Variants in G2E3 observed in about 807,000 individuals in gnomAD.
The protein encoded by G2E3 is G2/M-phase specific E3 ubiquitin protein ligase, also known as G2/M phase-specific E3 ubiquitin-protein ligase.
In G2E3, 35 loss-of-function variants were observed where a neutral mutation model predicts 92.8. That is an observed-to-expected ratio of 0.38 (90% confidence interval 0.29 to 0.50). The LOEUF is 0.50. G2E3 is among the 20% of genes least tolerant of loss of function. G2E3 has a pLI of 0.94. For missense variants in G2E3, 554 were observed against 823.8 expected, an observed-to-expected ratio of 0.67 and a Z score of 4.01; for synonymous variants, 242 against 272.4, an observed-to-expected ratio of 0.89 and a Z score of 1.10.
At chr14:30,560,880 A>T (rs1879058395) in intron 1 of G2E3, 1 of 693,904 alleles carries the variant, frequency 1.4e-6, no homozygotes, top group Non-Finnish European at 2.6e-6. Flanking sequence ...CACTGATTTG[A>T]TCTTTCCTAG....
intron 6 of G2E3, among the ~76,000 whole-genome samples, chr14:30,595,830 T>G (rs996654241): frequency 3.7e-4 from 57 of 152,322 alleles, no homozygotes; most frequent in Admixed American, 2.9e-3. Flanking sequence ...CATTGGGATT[T>G]TGGGAGAAGA....
chr14:30,576,962 C>G (rs1470169424), intron 1 of G2E3, among the ~76,000 whole-genome samples: 1 of 152,050 alleles, frequency 6.6e-6, no homozygotes, highest in Non-Finnish European at 1.5e-5. Context: ...CACGATGGCT[C>G]ACACCTGTAA....
intron 1 of G2E3, among the ~76,000 whole-genome samples, chr14:30,564,745 T>A (rs148219086): frequency 6.6e-6 from 1 of 152,334 alleles, no homozygotes; most frequent in East Asian, 1.9e-4. Flanking sequence ...CTGACTTCCC[T>A]CATTTAATAT....
At chr14:30,565,742 A>T (rs896400752) in intron 1 of G2E3, among the ~76,000 whole-genome samples, 1 of 142,082 alleles carries the variant, frequency 7.0e-6, no homozygotes, top group Admixed American at 7.6e-5. Context: ...GCTCACTGCA[A>T]GCTCCACTTC....
intron 6 of G2E3, among the ~76,000 whole-genome samples, chr14:30,595,116 C>A (rs1044589074): frequency 4.0e-5 from 6 of 151,716 alleles, no homozygotes; most frequent in African/African-American, 7.3e-5. Flanking sequence ...CCTGTCTGGG[C>A]GACAGAGCAA....
intron 3 of G2E3, among the ~76,000 whole-genome samples, chr14:30,588,244 A>C (rs947494560): frequency 6.9e-6 from 1 of 145,042 alleles, no homozygotes. Context: ...TTACTTTTCT[A>C]TAAAGTAAAA....
chr14:30,563,695 TTGTGTGTGTGTGTG>T (rs56029424), intron 1 of G2E3, among the ~76,000 whole-genome samples: 1,824 of 141,282 alleles, frequency 0.013, 43 homozygotes, highest in African/African-American at 0.045. Context: ...TTTGTTACTT[TTGTGTGTGTGTGTG>T]TGTGTGTGTG....
intron 1 of G2E3, among the ~76,000 whole-genome samples, chr14:30,574,826 T>C (rs982659054): frequency 6.6e-6 from 1 of 152,242 alleles, no homozygotes; most frequent in African/African-American, 2.4e-5. Flanking sequence ...AGTCTGTCAC[T>C]GATGGGCATT....
At chr14:30,592,504 C>T (rs1345251715) in intron 5 of G2E3, 57 bp downstream of exon 5, 1 of 1,281,450 alleles carries the variant, frequency 7.8e-7, no homozygotes, top group Admixed American at 2.3e-5. Flanking sequence ...GTGGAAAATA[C>T]ATATCCCAAT....
chr14:30,605,076 A>T (rs1377327838), intron 10 of G2E3, among the ~76,000 whole-genome samples: 2 of 152,114 alleles, frequency 1.3e-5, no homozygotes, highest in Non-Finnish European at 2.9e-5. Context: ...TTGTATTTTC[A>T]GTAGAGACAG....
chr14:30,585,847 G>T (rs1318495915), intron 2 of G2E3, among the ~76,000 whole-genome samples: 1 of 152,126 alleles, frequency 6.6e-6, no homozygotes, highest in Admixed American at 6.5e-5. Flanking sequence ...ACATCAGCCA[G>T]AGGTGAGAGC....
At chr14:30,606,496 C>T (rs2138897896) in intron 11 of G2E3, among the ~76,000 whole-genome samples, 1 of 152,172 alleles carries the variant, frequency 6.6e-6, no homozygotes, top group Admixed American at 6.5e-5. Context: ...GTATAGTTCA[C>T]ACAGTTTAAT....
Position 30,601,763 on chromosome 14 carries a change from TC to T in G2E3, c.753-5del. On this transcript the variant is annotated splice_region_variant and splice_polypyrimidine_tract_variant and intron_variant, in intron 8 of 14. Coordinates refer to ENST00000206595, the MANE Select transcript of G2E3 (RefSeq NM_017769.5). ...AATGTAAGTTCTGCTTTTCTTTGTG[TC>T]CTCAGCAAATGGGAAATAAAGCGCT... 1.9e-6 allele frequency: 3 copies of T among 1,613,936 alleles called. No individual in the cohort carries two copies. Among genetic ancestry groups the T allele is most frequent in the Non-Finnish European group, 2.5e-6 (3 of 1,179,854 alleles).
chr14:30,611,002 C>T (rs571792387), intron 12 of G2E3, among the ~76,000 whole-genome samples: 4 of 152,286 alleles, frequency 2.6e-5, no homozygotes, highest in East Asian at 1.9e-4. Context: ...CCTCTGTTTT[C>T]GAGATAGAGT....
chr14:30,568,567 TTA>T (rs1254991369), intron 1 of G2E3, among the ~76,000 whole-genome samples: 1 of 152,148 alleles, frequency 6.6e-6, no homozygotes, highest in East Asian at 1.9e-4. Flanking sequence ...TATTTTTTAG[TTA>T]TATTCTTAGT....
At chr14:30,590,981 G>A (rs1880978136) in intron 4 of G2E3, 4 of 225,636 alleles carry the variant, frequency 1.8e-5, no homozygotes, top group Non-Finnish European at 2.7e-5. Flanking sequence ...AACCCAAAAT[G>A]TTCCAATGAG....
chr14:30,613,529 A>G (rs758135475), intron 13 of G2E3, among the ~76,000 whole-genome samples: 4 of 152,088 alleles, frequency 2.6e-5, no homozygotes, highest in African/African-American at 7.2e-5. Context: ...CATTTTGTAC[A>G]TTTTAGCCTA....
At chr14:30,615,218 G>A (rs1882258175) in intron 13 of G2E3, 131 bp from the exon 14 acceptor site, 3 of 540,292 alleles carry the variant, frequency 5.6e-6, no homozygotes, top group South Asian at 6.1e-5. Context: ...CTCTTGTGGG[G>A]GTTTTTTGGT....
rs1882438215 is a variant in G2E3 at position 30,618,901 on chromosome 14, A to G, written c.*2367A>G. On this transcript the variant is annotated 3_prime_UTR_variant, in exon 15 of 15. Coordinates refer to ENST00000206595, the MANE Select transcript of G2E3 (RefSeq NM_017769.5). The stretch of plus-strand genomic sequence containing the variant: ...AGAATTATGCTATAAATCTTTATAA[A>G]TGTGTACATATATTTCTTAAATATT... 2 of 152,040 alleles carry G rather than the reference A, an allele frequency of 1.3e-5. No individual in the cohort carries two copies. Among genetic ancestry groups the G allele is most frequent in the Non-Finnish European group, 2.9e-5 (2 of 67,924 alleles). The allele number at this position is 152,040 out of a possible 1,614,324, so 9.4% of individuals were successfully genotyped here.
Sources: gnomAD v4.1 joint callset for allele counts (sites outside exome capture counted in the v4.1 genomes callset) on GRCh38, gnomAD v4.1.1 for gene constraint, MANE v1.5 for transcripts, NCBI Gene and HGNC (gene_info 2026-07-23, HGNC 2026-07-21) for gene names.